Variants in ADCY5 observed in about 807,000 individuals in gnomAD.
ADCY5 encodes adenylate cyclase type 5.
Under a neutral mutation model 119.7 loss-of-function variants are expected in ADCY5, and 30 were observed. The observed-to-expected ratio is 0.25, with a 90% CI of 0.19 to 0.34. ADCY5 has a LOEUF of 0.34. ADCY5 is among the 10% of genes least tolerant of loss of function. ADCY5 has a pLI of 1.00. For missense variants in ADCY5, 1,324 were observed against 1,775.2 expected (o/e 0.75, Z 4.57); for synonymous variants, 753 against 762.2 (o/e 0.99, Z 0.20).
chr3:123,325,759 T>C (rs1339725022), intron 7 of ADCY5, among the ~76,000 whole-genome samples: 1 of 152,090 alleles, frequency 6.6e-6, no homozygotes, highest in Non-Finnish European at 1.5e-5. Context: ...TTGCAAGGAG[T>C]TCTCCCTGTA....
At chr3:123,439,305 G>A (rs35596775) in intron 1 of ADCY5, among the ~76,000 whole-genome samples, 61,474 of 150,438 alleles carry the variant, frequency 0.41, 12,514 homozygotes, top group Admixed American at 0.43. Context: ...CTCATGATCC[G>A]CCTGCTTTGG....
At chr3:123,359,161 C>G (rs1050264928) in intron 1 of ADCY5, among the ~76,000 whole-genome samples, 4 of 151,594 alleles carry the variant, frequency 2.6e-5, no homozygotes, top group African/African-American at 9.7e-5. Context: ...CAATATGGTT[C>G]ACAGGTGAAT....
chr3:123,447,635 G>A lies in ADCY5; in HGVS notation c.911C>T (p.Ala304Val), dbSNP rs777588020. 6 of 1,607,926 alleles carry A rather than the reference G, an allele frequency of 3.7e-6. No homozygotes were observed. The highest frequency in any genetic ancestry group is 5.1e-6 in the Non-Finnish European group (6 of 1,178,092). Residue 304 changes from alanine (A) to valine (V), a missense_variant, in exon 1 of 21, where the codon GCG (alanine) becomes GTG (valine). This residue lies in a region of ADCY5 where 585 missense variants were observed against 569.9 expected (regional missense o/e 1.03). Coordinates refer to ENST00000462833, the MANE Select transcript of ADCY5 (RefSeq NM_183357.3). The part of the protein sequence containing the change: ...HQDHMGLACY[A>V]LIAVVLAVQV... ...GACGGCCAGCACCACGGCGATGAGC[G>A]CATAGCAGGCCAGGCCCATGTGGTC... is the stretch of plus-strand genomic sequence containing the variant.
At chr3:123,362,193 T>C (rs1267398780) in intron 1 of ADCY5, among the ~76,000 whole-genome samples, 1 of 152,200 alleles carries the variant, frequency 6.6e-6, no homozygotes, top group Non-Finnish European at 1.5e-5. Flanking sequence ...GGAGCAGAAT[T>C]GCTGGGTCAC....
At chr3:123,382,403 A>C (rs903571) in intron 1 of ADCY5, among the ~76,000 whole-genome samples, 71,665 of 151,820 alleles carry the variant, frequency 0.47, 17,647 homozygotes, top group East Asian at 0.69. Flanking sequence ...TAGGATTCAG[A>C]AAGTCCACTT....
chr3:123,302,804 C>T (rs1290101431), intron 14 of ADCY5, among the ~76,000 whole-genome samples: 2 of 152,230 alleles, frequency 1.3e-5, no homozygotes, highest in Non-Finnish European at 2.9e-5. Flanking sequence ...CTCTCAGCCA[C>T]AGTCCCTGGT....
intron 3 of ADCY5, among the ~76,000 whole-genome samples, chr3:123,345,769 G>GACAC (rs56185421): frequency 2.3e-4 from 26 of 113,836 alleles, no homozygotes; most frequent in African/African-American, 9.5e-4. Flanking sequence ...CAGACAGACA[G>GACAC]ACACACACAC....
chr3:123,301,353 T>TG (rs1399517095), intron 14 of ADCY5, among the ~76,000 whole-genome samples: 1 of 152,116 alleles, frequency 6.6e-6, no homozygotes, highest in African/African-American at 2.4e-5. Flanking sequence ...GTGATTGGAT[T>TG]GTGGGGGGAA....
chr3:123,377,809 A>G (rs888497770), intron 1 of ADCY5, among the ~76,000 whole-genome samples: 1 of 151,922 alleles, frequency 6.6e-6, no homozygotes, highest in African/African-American at 2.4e-5. Context: ...GTGTGCCTGT[A>G]GTCCCAGCTA....
chr3:123,389,837 G>A (rs1429347505), intron 1 of ADCY5, among the ~76,000 whole-genome samples: 3 of 152,216 alleles, frequency 2.0e-5, no homozygotes, highest in Non-Finnish European at 4.4e-5. Context: ...ACAGTGCACA[G>A]ATGTCCATGC....
intron 4 of ADCY5, among the ~76,000 whole-genome samples, chr3:123,331,853 C>T (rs1478820984): frequency 6.6e-6 from 1 of 152,190 alleles, no homozygotes; most frequent in Non-Finnish European, 1.5e-5. Context: ...ATGGAAGCCC[C>T]CAGAGAAGCC....
chr3:123,310,196 C>T (rs1940481416), intron 12 of ADCY5, among the ~76,000 whole-genome samples: 1 of 149,014 alleles, frequency 6.7e-6, no homozygotes, highest in Non-Finnish European at 1.5e-5. Context: ...TACCTAAGTC[C>T]CAAACTGCTG....
In ADCY5 at chr3:123,292,336, C is replaced by T. The variant is rs535338427; in HGVS notation, c.3064-960G>A. The stretch of plus-strand genomic sequence containing the variant: ...GAGCTGGTGCTCCTTTCCAAGGCTT[C>T]AGGACCTGGGTCCAGCACGGAGGAA... On this transcript the variant is annotated intron_variant, in intron 17 of 20. Transcript: ENST00000462833. Among the ~76,000 whole-genome samples the T allele has an allele frequency of 4.6e-5, 7 of 152,282 alleles. No individual in the cohort carries two copies. The East Asian group carries it at 1.2e-3, about 25-fold the overall frequency.
At chr3:123,310,263 C>T (rs780445041) in intron 12 of ADCY5, among the ~76,000 whole-genome samples, 29 of 151,876 alleles carry the variant, frequency 1.9e-4, no homozygotes, top group East Asian at 3.9e-4. Context: ...CTAGATCAGG[C>T]GGTGGGGAAA....
At chr3:123,415,187 C>T (rs1945156731) in intron 1 of ADCY5, among the ~76,000 whole-genome samples, 1 of 152,124 alleles carries the variant, frequency 6.6e-6, no homozygotes, top group South Asian at 2.1e-4. Flanking sequence ...GCTTAGGTTG[C>T]CAAGGGAGGG....
intron 12 of ADCY5, among the ~76,000 whole-genome samples, chr3:123,308,196 G>C (rs1576550363): frequency 6.6e-6 from 1 of 151,632 alleles, no homozygotes; most frequent in Non-Finnish European, 1.5e-5. Context: ...ACCACGCCCG[G>C]CTAATTTTGT....
intron 12 of ADCY5, 69 bp from the exon 13 acceptor site, chr3:123,304,252 A>G: frequency 9.3e-7 from 1 of 1,076,830 alleles, no homozygotes; most frequent in South Asian, 1.3e-5. Flanking sequence ...GGACTCCACA[A>G]ATGGTCCCGG....
chr3:123,400,936 C>T (rs761223037), intron 1 of ADCY5, among the ~76,000 whole-genome samples: 9 of 149,914 alleles, frequency 6.0e-5, no homozygotes, highest in South Asian at 2.1e-4. Flanking sequence ...AACAAAACTC[C>T]GTCTCAAAAA....
chr3:123,301,670 C>G (rs1275069746), intron 14 of ADCY5, among the ~76,000 whole-genome samples: 1 of 152,214 alleles, frequency 6.6e-6, no homozygotes, highest in Non-Finnish European at 1.5e-5. Context: ...CAGGACCTGC[C>G]CACTGCCACC....
Sources: allele counts gnomAD v4.1 joint callset (sites outside exome capture counted in the v4.1 genomes callset), GRCh38; gene constraint gnomAD v4.1.1; regional missense constraint gnomAD v4.1.1; transcripts MANE v1.5; gene names NCBI Gene and HGNC (gene_info 2026-07-23, HGNC 2026-07-21).